Variants in RAPH1 observed in about 807,000 individuals in gnomAD.
The protein encoded by RAPH1 is ras-associated and pleckstrin homology domains-containing protein 1.
Under a neutral mutation model 88.1 loss-of-function variants are expected in RAPH1, and 18 were observed. The observed-to-expected ratio is 0.20, with a 90% CI of 0.14 to 0.30. The LOEUF (loss-of-function observed/expected upper bound fraction) is 0.30. RAPH1 is among the 10% of genes least tolerant of loss of function. The pLI, the probability that RAPH1 is intolerant of heterozygous loss-of-function variation, is 1.00. For synonymous variants in RAPH1, 587 were observed against 559.0 expected (o/e 1.05, Z -0.71); for missense variants, 1,448 against 1,543.2 (o/e 0.94, Z 1.03).
At chr2:203,505,997 A>G (rs2105898739) in intron 1 of RAPH1, among the ~76,000 whole-genome samples, 1 of 152,292 alleles carries the variant, frequency 6.6e-6, no homozygotes, top group Non-Finnish European at 1.5e-5. Flanking sequence ...CATTCCTCTT[A>G]GAGAAAACGG....
intron 4 of RAPH1, among the ~76,000 whole-genome samples, chr2:203,464,162 A>G (rs1040927539): frequency 6.6e-6 from 1 of 152,218 alleles, no homozygotes; most frequent in African/African-American, 2.4e-5. Context: ...AAAGTTTACC[A>G]AGGTATATTT....
chr2:203,509,361 C>T (rs1689233389), intron 1 of RAPH1, among the ~76,000 whole-genome samples: 1 of 151,702 alleles, frequency 6.6e-6, no homozygotes, highest in South Asian at 2.1e-4. Context: ...ACACCCGGCC[C>T]TAAAAAAATA....
At position 203,523,725 on chromosome 2, in the gene RAPH1, G is replaced by A. The variant is rs756377808; in HGVS notation, c.-1+11386C>T. Among the ~76,000 whole-genome samples, 5 of 152,114 alleles carry A rather than the reference G, an allele frequency of 3.3e-5. No individual in the cohort carries two copies. The East Asian group carries it at 5.8e-4, about 18-fold the overall frequency. On this transcript the variant is annotated intron_variant, in intron 1 of 13. Coordinates refer to ENST00000319170, the MANE Select transcript of RAPH1 (RefSeq NM_213589.3). The stretch of plus-strand genomic sequence containing the variant: ...GAAAAACACCATTAAAAAAATACAC[G>A]GCCAGGAGCAGTGGCTCAGGCCTGT...
chr2:203,469,371 C>T (rs2098531190), intron 4 of RAPH1, among the ~76,000 whole-genome samples: 1 of 152,194 alleles, frequency 6.6e-6, no homozygotes, highest in African/African-American at 2.4e-5. Flanking sequence ...CCACTGCTGA[C>T]TTTGTTAAAG....
chr2:203,487,370 A>G (rs1688016489), intron 4 of RAPH1, among the ~76,000 whole-genome samples: 1 of 152,130 alleles, frequency 6.6e-6, no homozygotes, highest in Non-Finnish European at 1.5e-5. Context: ...ATCACAAAAT[A>G]GAAATCAGTT....
At chr2:203,506,742 CTATATATA>C (rs71007523) in intron 1 of RAPH1, among the ~76,000 whole-genome samples, 3 of 110,860 alleles carry the variant, frequency 2.7e-5, no homozygotes, top group Admixed American at 8.9e-5. Flanking sequence ...AGATATATAT[CTATATATA>C]TATATATCTA....
At position 203,435,769 on chromosome 2, in the gene RAPH1, T is replaced by C. The variant is rs1167211023; in HGVS notation, c.*3668A>G. The C allele has an allele frequency of 1.3e-5, 2 of 152,216 alleles. No homozygotes were observed. The highest frequency in any genetic ancestry group is 2.9e-5 in the Non-Finnish European group (2 of 68,046). 9.4% of individuals were successfully genotyped at this position (152,216 alleles called of 1,614,324 possible). A position where few individuals can be genotyped will look rare whatever the true frequency, so the allele number is the denominator to read the frequency against. ...ATGTACAAAAATAGGAATGGGTTTT[T>C]TACCTGTTTAAAGTCACTTTGTGTT... On this transcript the variant is annotated 3_prime_UTR_variant, in exon 14 of 14. Transcript: ENST00000319170.
intron 1 of RAPH1, among the ~76,000 whole-genome samples, chr2:203,520,453 C>A (rs572775226): frequency 2.0e-5 from 3 of 151,920 alleles, no homozygotes; most frequent in Admixed American, 6.6e-5. Flanking sequence ...CATGGTGAAA[C>A]CCCGTTTCTA....
chr2:203,518,251 C>T (rs892502110), intron 1 of RAPH1, among the ~76,000 whole-genome samples: 1 of 152,110 alleles, frequency 6.6e-6, no homozygotes, highest in East Asian at 1.9e-4. Flanking sequence ...CACAGTGGTG[C>T]ACACTTGTAG....
chr2:203,496,084 G>T (rs772068884), intron 1 of RAPH1, among the ~76,000 whole-genome samples: 2 of 152,212 alleles, frequency 1.3e-5, no homozygotes, highest in African/African-American at 4.8e-5. Context: ...GTGGCTGGGC[G>T]TGGTGGCTCA....
At chr2:203,479,069 G>A (rs1350668173) in intron 4 of RAPH1, among the ~76,000 whole-genome samples, 26 of 152,118 alleles carry the variant, frequency 1.7e-4, no homozygotes, top group South Asian at 2.1e-4. Context: ...AATGATAAAC[G>A]TAACCAACTC....
intron 1 of RAPH1, among the ~76,000 whole-genome samples, chr2:203,506,783 G>GAT (rs1249763475): frequency 5.2e-4 from 20 of 38,332 alleles, no homozygotes; most frequent in Non-Finnish European, 1.0e-3. Context: ...TATATATCTA[G>GAT]ATATATATAT....
In RAPH1 at chr2:203,433,869, G is replaced by A. The variant is rs549119800; in HGVS notation, c.*5568C>T. 2.0e-4 allele frequency: 30 copies of A among 152,578 alleles called. No homozygotes were observed. Among genetic ancestry groups the A allele is most frequent in the African/African-American group, 6.5e-4 (27 of 41,518 alleles). 9.5% of individuals were successfully genotyped at this position (152,578 alleles called of 1,614,324 possible). A position where few individuals can be genotyped will look rare whatever the true frequency, so the allele number is the denominator to read the frequency against. On this transcript the variant is annotated 3_prime_UTR_variant, in exon 14 of 14. Coordinates refer to ENST00000319170, the MANE Select transcript of RAPH1 (RefSeq NM_213589.3). ...TAAGGATTTGATAAGCTGATATAAT[G>A]AAAACATGTAAATGAAAAACATTTA...
intron 1 of RAPH1, among the ~76,000 whole-genome samples, chr2:203,498,425 A>G (rs902693173): frequency 3.3e-5 from 5 of 152,178 alleles, no homozygotes; most frequent in African/African-American, 9.7e-5. Flanking sequence ...ACAGGGAGAG[A>G]ACATTAGTCA....
chr2:203,472,099 G>A (rs2098533653), intron 4 of RAPH1, among the ~76,000 whole-genome samples: 1 of 151,304 alleles, frequency 6.6e-6, no homozygotes, highest in South Asian at 2.1e-4. Flanking sequence ...CAATTTGTAA[G>A]AGTAGCCATT....
intron 4 of RAPH1, among the ~76,000 whole-genome samples, chr2:203,466,382 T>A (rs1389161893): frequency 6.6e-6 from 1 of 152,216 alleles, no homozygotes; most frequent in African/African-American, 2.4e-5. Context: ...ACCATATCTT[T>A]TAACTATTAA....
chr2:203,500,890 TCA>T (rs1459736900), intron 1 of RAPH1, among the ~76,000 whole-genome samples: 3 of 152,238 alleles, frequency 2.0e-5, no homozygotes, highest in African/African-American at 4.8e-5. Flanking sequence ...ATGCTTCCTC[TCA>T]CAGTTATTCA....
intron 4 of RAPH1, among the ~76,000 whole-genome samples, chr2:203,470,532 G>A (rs566883517): frequency 1.0e-3 from 157 of 152,314 alleles, no homozygotes; most frequent in Middle Eastern, 3.4e-3. Flanking sequence ...GCCAGTAGGC[G>A]TGTCCCAGCT....
chr2:203,506,863 T>G (rs868024023), intron 1 of RAPH1, among the ~76,000 whole-genome samples: 12 of 88,940 alleles, frequency 1.3e-4, no homozygotes, highest in South Asian at 6.6e-4. Flanking sequence ...TATCTATATA[T>G]ATATATATAT....
Sources: gnomAD v4.1 joint callset for allele counts (sites outside exome capture counted in the v4.1 genomes callset) on GRCh38, gnomAD v4.1.1 for gene constraint, MANE v1.5 for transcripts, NCBI Gene and HGNC (gene_info 2026-07-23, HGNC 2026-07-21) for gene names.